TIMM44: variants seen among roughly 807,000 people sequenced by gnomAD.
The protein encoded by TIMM44 is translocase of inner mitochondrial membrane 44.
Under a neutral mutation model 63.8 loss-of-function variants are expected in TIMM44, and 37 were observed. That is an observed-to-expected ratio of 0.58 (90% confidence interval 0.45 to 0.76). The LOEUF (loss-of-function observed/expected upper bound fraction) is 0.76, where lower values mean the gene tolerates loss of function less well. Among genes scored for constraint, TIMM44 ranks in the 30% least tolerant of loss-of-function variants. The probability of loss-of-function intolerance (pLI) is 0.00; values close to 1 mark genes in which losing one functional copy is unlikely to be tolerated. For missense variants in TIMM44, 573 were observed against 603.8 expected, an observed-to-expected ratio of 0.95 and a Z score of 0.54; for synonymous variants, 239 against 245.1, an observed-to-expected ratio of 0.98 and a Z score of 0.23.
At chr19:7,931,467 GGAGGAA>G in intron 9 of TIMM44, 1 of 475,546 alleles carries the variant, frequency 2.1e-6, no homozygotes, top group Non-Finnish European at 3.9e-6. Flanking sequence ...GGAACCTGGT[GGAGGAA>G]GAGAAAGGTG....
intron 3 of TIMM44, 76 bp downstream of exon 3, chr19:7,937,951 G>A: frequency 1.9e-6 from 3 of 1,559,484 alleles, no homozygotes; most frequent in Non-Finnish European, 2.7e-6. Context: ...CTGGGAGGTG[G>A]AGGTTGCAGT....
Position 7,926,994 on chromosome 19 carries a change from G to A in TIMM44, c.*193C>T. ...GGGCAGGGGTTGGCCCTGCGGGGGA[G>A]TGTCTCCAGCTGCCGCGCACCCGCA... On this transcript the variant is annotated 3_prime_UTR_variant, in exon 13 of 13. Transcript: ENST00000270538. 1.3e-6 allele frequency: 1 copy of A among 759,162 alleles called. No homozygotes were observed. The highest frequency in any genetic ancestry group is 1.7e-5 in the South Asian group (1 of 59,514). The allele number at this position is 759,162 out of a possible 1,614,324, so 47.0% of individuals were successfully genotyped here.
At chr19:7,938,532 C>T (rs888526004) in intron 2 of TIMM44, among the ~76,000 whole-genome samples, 5 of 152,090 alleles carry the variant, frequency 3.3e-5, no homozygotes, top group African/African-American at 7.2e-5. Flanking sequence ...ACAGGCTGGG[C>T]GCGGTGGTTC....
At chr19:7,937,037 G>A (rs1984175202) in intron 3 of TIMM44, among the ~76,000 whole-genome samples, 1 of 151,768 alleles carries the variant, frequency 6.6e-6, no homozygotes, top group South Asian at 2.1e-4. Flanking sequence ...AGGAGGCAGA[G>A]GTTGTGTTGA....
chr19:7,937,986 C>A (rs1466509299), intron 3 of TIMM44, 41 bp downstream of exon 3: 2 of 1,612,992 alleles, frequency 1.2e-6, no homozygotes, highest in Non-Finnish European at 1.7e-6. Flanking sequence ...CCACTACTCT[C>A]CAGCCTGGGT....
intron 9 of TIMM44, chr19:7,931,912 G>C (rs1983996035): frequency 6.4e-6 from 1 of 155,588 alleles, no homozygotes; most frequent in Non-Finnish European, 1.4e-5. Context: ...CCACCTCCCA[G>C]CCCTGCCCGA....
intron 10 of TIMM44, among the ~76,000 whole-genome samples, chr19:7,929,611 G>A (rs1029271181): frequency 3.9e-5 from 6 of 152,144 alleles, no homozygotes; most frequent in African/African-American, 1.4e-4. Context: ...CTCACGACCC[G>A]TGGGAGGTGA....
intron 10 of TIMM44, among the ~76,000 whole-genome samples, chr19:7,929,993 C>T (rs553701747): frequency 1.6e-4 from 25 of 151,902 alleles, no homozygotes; most frequent in African/African-American, 5.8e-4. Flanking sequence ...GGATTACAGG[C>T]GCCCACCACC....
At position 7,928,184 on chromosome 19, in the gene TIMM44, C is replaced by A. The variant is rs201677586; in HGVS notation, c.1039-18G>T. 3 of 1,609,474 alleles carry A rather than the reference C, an allele frequency of 1.9e-6. No homozygotes were observed. Among genetic ancestry groups the A allele is most frequent in the Non-Finnish European group, 2.5e-6 (3 of 1,177,292 alleles). ...CTGTAAGTCTGCAATGAGAGGCCGA[C>A]ACGCCTGCGTGATGCCACCCAGGGT... is the stretch of plus-strand genomic sequence containing the variant. On this transcript the variant is annotated intron_variant, in intron 10 of 12. Coordinates refer to ENST00000270538, the MANE Select transcript of TIMM44 (RefSeq NM_006351.4).
chr19:7,938,881 C>T (rs1245627598), intron 2 of TIMM44, among the ~76,000 whole-genome samples: 1 of 151,682 alleles, frequency 6.6e-6, no homozygotes, highest in Admixed American at 6.6e-5. Context: ...CACAGAGGAA[C>T]CTTAAATGTA....
chr19:7,930,526 C>T (rs1199396575), intron 10 of TIMM44, among the ~76,000 whole-genome samples: 6 of 151,968 alleles, frequency 3.9e-5, no homozygotes, highest in African/African-American at 1.2e-4. Flanking sequence ...AGGCTGGTCT[C>T]GAACTCTTGA....
rs1984088645 is a variant in TIMM44 at position 7,934,521 on chromosome 19, T to C, written c.394-283A>G. On this transcript the variant is annotated intron_variant, in intron 4 of 12. Coordinates refer to ENST00000270538, the MANE Select transcript of TIMM44 (RefSeq NM_006351.4). The surrounding 1 kb of genome is among the most constrained non-coding windows in gnomAD (Gnocchi z 5.3). ...AGAGCCATGAGCACACCGCCACGGC[T>C]TCCGGGATGCTGGCCCTGGGCTCTG... Among the ~76,000 whole-genome samples, 1 of 150,982 alleles carries C rather than the reference T, an allele frequency of 6.6e-6. No individual in the cohort carries two copies. Among genetic ancestry groups the C allele is most frequent in the African/African-American group, 2.5e-5 (1 of 40,658 alleles).
At position 7,943,392 on chromosome 19, in the gene TIMM44, G is replaced by A. The variant is rs1349831255; in HGVS notation, c.45+215C>T. On this transcript the variant is annotated intron_variant, in intron 1 of 12. Coordinates refer to ENST00000270538, the MANE Select transcript of TIMM44 (RefSeq NM_006351.4). The surrounding 1 kb of genome is among the most constrained non-coding windows in gnomAD (Gnocchi z 4.3). ...TGATCAGCTCCCTCCCAGGTCCCGC[G>A]CATCGCCGCCCCCTGCCCGGTAAGC... Among the ~76,000 whole-genome samples, 1 of 151,962 alleles carries A rather than the reference G, an allele frequency of 6.6e-6. No homozygotes were observed. The highest frequency in any genetic ancestry group is 6.6e-5 in the Admixed American group (1 of 15,244).
At position 7,934,513 on chromosome 19, in the gene TIMM44, G is replaced by A. The variant is rs1221223645; in HGVS notation, c.394-275C>T. Among the ~76,000 whole-genome samples the A allele has an allele frequency of 6.6e-6, 1 of 150,656 alleles. No individual in the cohort carries two copies. Among genetic ancestry groups the A allele is most frequent in the Non-Finnish European group, 1.5e-5 (1 of 67,774 alleles). On this transcript the variant is annotated intron_variant, in intron 4 of 12. Coordinates refer to ENST00000270538, the MANE Select transcript of TIMM44 (RefSeq NM_006351.4). This position sits in a 1 kb window ranked among gnomAD's most constrained non-coding sequence, Gnocchi z 5.3. ...GCACCCCCAGAGCCATGAGCACACC[G>A]CCACGGCTTCCGGGATGCTGGCCCT...
chr19:7,928,822 G>C (rs774459712), intron 10 of TIMM44: 7 of 151,140 alleles, frequency 4.6e-5, no homozygotes, highest in Admixed American at 6.6e-5. Context: ...TTCTGTGGAC[G>C]TGGCTGGAAC....
rs910103527 is a variant in TIMM44, at chr19:7,927,066, G to A, written c.*121C>T. 5 of 1,424,664 alleles carry A rather than the reference G, an allele frequency of 3.5e-6. No homozygotes were observed. The highest frequency in any genetic ancestry group is 2.8e-5 in the African/African-American group (2 of 70,746). 88.3% of individuals were successfully genotyped at this position (1,424,664 alleles called of 1,614,324 possible). On this transcript the variant is annotated 3_prime_UTR_variant, in exon 13 of 13. Transcript: ENST00000270538. The stretch of plus-strand genomic sequence containing the variant: ...GGCCAGCTGGTCTTGCAGCCGTCCT[G>A]GCAGAGCTGGGGGCAGAGCCCGCAG...
rs966945034 is a variant in TIMM44, at chr19:7,943,196, C to T, written c.45+411G>A. Among the ~76,000 whole-genome samples, 1 of 152,140 alleles carries T rather than the reference C, an allele frequency of 6.6e-6. No individual in the cohort carries two copies. The highest frequency in any genetic ancestry group is 1.5e-5 in the Non-Finnish European group (1 of 68,032). ...CCACCTCTCGCACATCCACAATGAACGTTAGAAGAAACGAGACAAGAAATG... is the reference window on the plus strand; with the variant it reads ...CCACCTCTCGCACATCCACAATGAATGTTAGAAGAAACGAGACAAGAAATG... On this transcript the variant is annotated intron_variant, in intron 1 of 12. Transcript: ENST00000270538. This position sits in a 1 kb window ranked among gnomAD's most constrained non-coding sequence, Gnocchi z 4.3.
rs542248981 is a variant in TIMM44 at position 7,934,801 on chromosome 19, A to T, written c.393+264T>A. 1.3e-5 allele frequency among the ~76,000 whole-genome samples: 2 copies of T among 152,304 alleles called. No homozygotes were observed. Among genetic ancestry groups the T allele is most frequent in the South Asian group, 2.1e-4 (1 of 4,832 alleles). Reference sequence around the variant, plus strand: ...CTCTCCTCCTATTTTTAGGCAGGAAAAACATTTTCATGTTCTCCTCGAGTC... The same window carrying T: ...CTCTCCTCCTATTTTTAGGCAGGAATAACATTTTCATGTTCTCCTCGAGTC... On this transcript the variant is annotated intron_variant, in intron 4 of 12. Coordinates refer to ENST00000270538, the MANE Select transcript of TIMM44 (RefSeq NM_006351.4). This position sits in a 1 kb window ranked among gnomAD's most constrained non-coding sequence, Gnocchi z 5.3.
At chr19:7,930,175 C>T (rs1983939022) in intron 10 of TIMM44, among the ~76,000 whole-genome samples, 1 of 151,846 alleles carries the variant, frequency 6.6e-6, no homozygotes, top group Admixed American at 6.6e-5. Flanking sequence ...GTGTCTTGAT[C>T]TGTCACCCAG....
Sources: gnomAD v4.1 joint callset for allele counts (sites outside exome capture counted in the v4.1 genomes callset) on GRCh38, gnomAD v4.1.1 for gene constraint, Gnocchi (gnomAD v3.1) non-coding constraint, MANE v1.5 for transcripts, NCBI Gene and HGNC (gene_info 2026-07-23, HGNC 2026-07-21) for gene names.